Variants in ADAMTS6 observed in about 807,000 individuals in gnomAD.
ADAMTS6 encodes ADAM metallopeptidase with thrombospondin type 1 motif 6.
A neutral mutation model predicts 144.3 loss-of-function variants in ADAMTS6; 23 were observed. The observed-to-expected ratio is 0.16, with a 90% CI of 0.11 to 0.23. The LOEUF (loss-of-function observed/expected upper bound fraction) is 0.23. Ranked by LOEUF, ADAMTS6 falls within the 10% of genes least tolerant of loss-of-function variation. ADAMTS6 has a pLI of 1.00. For synonymous variants in ADAMTS6, 444 were observed against 457.5 expected (o/e 0.97, Z 0.38); for missense variants, 999 against 1,379.6 (o/e 0.72, Z 4.37).
At chr5:65,209,011 T>A (rs922455139) in intron 20 of ADAMTS6, among the ~76,000 whole-genome samples, 1 of 152,228 alleles carries the variant, frequency 6.6e-6, no homozygotes, top group Non-Finnish European at 1.5e-5. Context: ...TAACAAGCCC[T>A]TCAGGTAACT....
chr5:65,451,071 T>C (rs1348076502), intron 7 of ADAMTS6, among the ~76,000 whole-genome samples: 1 of 152,156 alleles, frequency 6.6e-6, no homozygotes, highest in Non-Finnish European at 1.5e-5. Context: ...TTAACACAAC[T>C]GAAAGGTAAA....
At chr5:65,398,276 T>C (rs1753523721) in intron 7 of ADAMTS6, among the ~76,000 whole-genome samples, 1 of 152,230 alleles carries the variant, frequency 6.6e-6, no homozygotes, top group South Asian at 2.1e-4. Flanking sequence ...CAACAGTTCT[T>C]TCAGTTTTTG....
At chr5:65,175,141 G>A (rs1384060149) in intron 22 of ADAMTS6, among the ~76,000 whole-genome samples, 1 of 151,952 alleles carries the variant, frequency 6.6e-6, no homozygotes, top group African/African-American at 2.4e-5. Context: ...TGAGAGAACA[G>A]CAGCATAAGT....
intron 3 of ADAMTS6, among the ~76,000 whole-genome samples, chr5:65,469,335 A>C (rs1323974902): frequency 6.6e-6 from 1 of 152,150 alleles, no homozygotes; most frequent in Non-Finnish European, 1.5e-5. Context: ...CCACAATGGA[A>C]TTAGTTTTGT....
chr5:65,213,688 T>C (rs971424327), intron 20 of ADAMTS6, among the ~76,000 whole-genome samples: 2 of 151,948 alleles, frequency 1.3e-5, no homozygotes, highest in African/African-American at 4.8e-5. Context: ...GAATAGATTA[T>C]ATGTTAATTA....
intron 3 of ADAMTS6, among the ~76,000 whole-genome samples, chr5:65,466,435 A>G (rs1439220071): frequency 6.6e-6 from 1 of 152,116 alleles, no homozygotes; most frequent in African/African-American, 2.4e-5. Flanking sequence ...CCTCCTTGCC[A>G]TTTATCACTA....
chr5:65,224,253 T>G (rs959167454), intron 18 of ADAMTS6, 67 bp downstream of exon 18: 2 of 1,330,290 alleles, frequency 1.5e-6, no homozygotes, highest in Non-Finnish European at 2.2e-6. Flanking sequence ...TTTTCCTTCA[T>G]GATACTGTGC....
chr5:65,450,300 A>G (rs892176666), intron 7 of ADAMTS6, among the ~76,000 whole-genome samples: 2 of 152,180 alleles, frequency 1.3e-5, no homozygotes, highest in Admixed American at 1.3e-4. Flanking sequence ...AGTCAATTAA[A>G]GTAAGTATAA....
In ADAMTS6 at chr5:65,149,389, G is replaced by GGT. The variant is rs768787345; in HGVS notation, c.*2446_*2447insAC. 6 of 152,208 alleles carry GGT rather than the reference G, an allele frequency of 3.9e-5. No homozygotes were observed. Among genetic ancestry groups the GGT allele is most frequent in the Non-Finnish European group, 7.3e-5 (5 of 68,044 alleles). The allele number at this position is 152,208 out of a possible 1,614,324, so 9.4% of individuals were successfully genotyped here. A position where few individuals can be genotyped will look rare whatever the true frequency, so the allele number is the denominator to read the frequency against. On this transcript the variant is annotated 3_prime_UTR_variant, in exon 25 of 25. Transcript: ENST00000381055. Reference sequence around the variant, plus strand: ...TAACCTACTCAGGTTTCAATTCAAGGCTTACTTGAAACTGTTTCATCCTGT... The same window carrying GGT: ...TAACCTACTCAGGTTTCAATTCAAGGGTCTTACTTGAAACTGTTTCATCCTGT...
At chr5:65,195,723 C>A (rs916522248) in intron 21 of ADAMTS6, among the ~76,000 whole-genome samples, 2 of 152,160 alleles carry the variant, frequency 1.3e-5, no homozygotes, top group African/African-American at 4.8e-5. Flanking sequence ...GTTTTTCTCT[C>A]CAGTTGTAGA....
intron 20 of ADAMTS6, among the ~76,000 whole-genome samples, chr5:65,209,489 A>G (rs1756347019): frequency 6.6e-6 from 1 of 152,188 alleles, no homozygotes; most frequent in Non-Finnish European, 1.5e-5. Flanking sequence ...AGGCAAAGGA[A>G]GTGTTTCATT....
intron 7 of ADAMTS6, among the ~76,000 whole-genome samples, chr5:65,355,539 A>G (rs1749236708): frequency 6.6e-6 from 1 of 151,918 alleles, no homozygotes; most frequent in South Asian, 2.1e-4. Flanking sequence ...CACTCAAATC[A>G]CATGCCTTCT....
intron 7 of ADAMTS6, among the ~76,000 whole-genome samples, chr5:65,359,686 A>G (rs1365678397): frequency 6.6e-6 from 1 of 152,184 alleles, no homozygotes; most frequent in Non-Finnish European, 1.5e-5. Flanking sequence ...TCAGCCTCAA[A>G]ACAGAAGGAA....
At chr5:65,207,385 A>G (rs1213332478) in intron 20 of ADAMTS6, among the ~76,000 whole-genome samples, 3 of 152,150 alleles carry the variant, frequency 2.0e-5, no homozygotes, top group Non-Finnish European at 4.4e-5. Flanking sequence ...AAAATATCGT[A>G]TGTATTTCTG....
At chr5:65,233,009 T>C (rs1357371187) in intron 15 of ADAMTS6, among the ~76,000 whole-genome samples, 2 of 152,254 alleles carry the variant, frequency 1.3e-5, no homozygotes, top group African/African-American at 4.8e-5. Flanking sequence ...CATGATCAAG[T>C]AGGGTTTATC....
At chr5:65,340,001 T>C (rs115298203) in intron 7 of ADAMTS6, among the ~76,000 whole-genome samples, 10 of 152,236 alleles carry the variant, frequency 6.6e-5, no homozygotes, top group African/African-American at 2.4e-4. Context: ...ACTTCCAAAG[T>C]CTTAGGAGAG....
intron 7 of ADAMTS6, among the ~76,000 whole-genome samples, chr5:65,426,205 C>A (rs1220353034): frequency 6.8e-6 from 1 of 147,184 alleles, no homozygotes; most frequent in African/African-American, 2.5e-5. Context: ...TGCCACCATG[C>A]CTGGCTAATT....
intron 8 of ADAMTS6, among the ~76,000 whole-genome samples, chr5:65,332,398 A>T (rs140324731): frequency 2.0e-5 from 3 of 151,448 alleles, no homozygotes; most frequent in Non-Finnish European, 4.4e-5. Flanking sequence ...ATATAGATAC[A>T]CTAGAAAAAT....
At chr5:65,171,493 G>A (rs1226956437) in intron 23 of ADAMTS6, among the ~76,000 whole-genome samples, 2 of 152,178 alleles carry the variant, frequency 1.3e-5, no homozygotes, top group African/African-American at 4.8e-5. Flanking sequence ...TTCCCGGCAA[G>A]GCTGGTGAAC....
Sources: gnomAD v4.1 joint callset for allele counts (sites outside exome capture counted in the v4.1 genomes callset) on GRCh38, gnomAD v4.1.1 for gene constraint, MANE v1.5 for transcripts, NCBI Gene and HGNC (gene_info 2026-07-23, HGNC 2026-07-21) for gene names.